SRD5A2: variants seen among roughly 807,000 people sequenced by gnomAD.
The protein encoded by SRD5A2 is steroid 5 alpha-reductase 2.
A neutral mutation model predicts 27.4 loss-of-function variants in SRD5A2; 30 were observed. The ratio of observed to expected loss-of-function variants is 1.10; its 90% confidence interval spans 0.82 to 1.49. The LOEUF (loss-of-function observed/expected upper bound fraction) is 1.49, where lower values mean the gene tolerates loss of function less well. Ranked by LOEUF, SRD5A2 falls within the 40% of genes most tolerant of loss-of-function variation. The pLI is 0.00. For synonymous variants in SRD5A2, 141 were observed against 133.6 expected, an observed-to-expected ratio of 1.06 and a Z score of -0.38; for missense variants, 348 against 323.4, an observed-to-expected ratio of 1.08 and a Z score of -0.58.
chr2:31,637,391 G>C, the SRD5A2 span, among the ~76,000 whole-genome samples: 1 of 151,968 alleles, frequency 6.6e-6, no homozygotes, highest in East Asian at 1.9e-4. Context: ...TTGTAGCAAA[G>C]AAGCCAGACA....
chr2:31,646,058 T>C, the SRD5A2 span, among the ~76,000 whole-genome samples: 1 of 152,132 alleles, frequency 6.6e-6, no homozygotes, highest in Non-Finnish European at 1.5e-5. Flanking sequence ...AAAATTGTAT[T>C]AATGATAATT....
chr2:31,611,699 T>C, the SRD5A2 span, among the ~76,000 whole-genome samples: 2 of 152,176 alleles, frequency 1.3e-5, no homozygotes, highest in Non-Finnish European at 2.9e-5. Flanking sequence ...AACCCTCATA[T>C]ATTGCTGGGT....
chr2:31,611,346 C>A, the SRD5A2 span, among the ~76,000 whole-genome samples: 1 of 152,204 alleles, frequency 6.6e-6, no homozygotes, highest in East Asian at 1.9e-4. Context: ...GTAGTAACTG[C>A]AGCACTGTCA....
intron 1 of SRD5A2, among the ~76,000 whole-genome samples, chr2:31,572,331 T>C (rs984690471): frequency 3.9e-5 from 6 of 152,062 alleles, no homozygotes; most frequent in Non-Finnish European, 5.9e-5. Context: ...AGGGTGATGA[T>C]TGAAAAAATA....
the SRD5A2 span, among the ~76,000 whole-genome samples, chr2:31,600,828 C>T: frequency 1.3e-5 from 2 of 151,772 alleles, no homozygotes; most frequent in Admixed American, 1.3e-4. Context: ...ACTAACAAGC[C>T]AAATTCAACA....
the SRD5A2 span, among the ~76,000 whole-genome samples, chr2:31,629,517 G>A: frequency 2.1e-4 from 32 of 152,268 alleles, no homozygotes; most frequent in African/African-American, 5.8e-4. Context: ...TAGCATAGCC[G>A]CCAGACTTAA....
At chr2:31,545,558 T>C (rs929118176) in intron 1 of SRD5A2, among the ~76,000 whole-genome samples, 15 of 152,108 alleles carry the variant, frequency 9.9e-5, no homozygotes, top group African/African-American at 3.1e-4. Context: ...AAACTGAGAA[T>C]GGAAGGCAAC....
intron 1 of SRD5A2, among the ~76,000 whole-genome samples, chr2:31,547,514 C>A (rs1309750368): frequency 6.6e-6 from 1 of 152,208 alleles, no homozygotes; most frequent in Non-Finnish European, 1.5e-5. Context: ...AATTCTTGAT[C>A]TGTCTTCTGG....
At chr2:31,555,939 T>TA (rs1186642306) in intron 1 of SRD5A2, among the ~76,000 whole-genome samples, 2 of 152,178 alleles carry the variant, frequency 1.3e-5, no homozygotes, top group East Asian at 1.9e-4. Flanking sequence ...ATCATATCTC[T>TA]AAAATGAAAA....
In SRD5A2 at chr2:31,523,682, G is replaced by A. The variant is rs1371029840; in HGVS notation, c.*2514C>T. ...AGAGTATCTTGTGAGCTAGGACACT[G>A]TTAGATTATTTTAGCCAAAAAACAG... On this transcript the variant is annotated 3_prime_UTR_variant, in exon 5 of 5. Transcript: ENST00000622030. 1 of 221,036 alleles carries A rather than the reference G, an allele frequency of 4.5e-6. No homozygotes were observed. Among genetic ancestry groups the A allele is most frequent in the Non-Finnish European group, 9.1e-6 (1 of 110,462 alleles). 13.7% of individuals were successfully genotyped at this position (221,036 alleles called of 1,614,324 possible). A position where few individuals can be genotyped will look rare whatever the true frequency, so the allele number is the denominator to read the frequency against.
At chr2:31,638,706 T>G in the SRD5A2 span, among the ~76,000 whole-genome samples, 1 of 152,064 alleles carries the variant, frequency 6.6e-6, no homozygotes, top group African/African-American at 2.4e-5. Context: ...AGTCTCTGAT[T>G]TGTAGTCTAT....
chr2:31,650,368 A>T, the SRD5A2 span, among the ~76,000 whole-genome samples: 8 of 152,286 alleles, frequency 5.3e-5, no homozygotes, highest in South Asian at 1.7e-3. Flanking sequence ...GGATCCTGGG[A>T]TGGGTCACTA....
chr2:31,599,658 A>T, the SRD5A2 span, among the ~76,000 whole-genome samples: 1 of 152,026 alleles, frequency 6.6e-6, no homozygotes, highest in South Asian at 2.1e-4. Context: ...TAGCAAAAGC[A>T]GTGTATTAAG....
intron 1 of SRD5A2, among the ~76,000 whole-genome samples, chr2:31,575,861 T>A (rs1419260878): frequency 6.6e-6 from 1 of 152,206 alleles, no homozygotes; most frequent in African/African-American, 2.4e-5. Flanking sequence ...GAAAAAGACA[T>A]CAGCCACCAC....
At chr2:31,544,539 T>C (rs897588714) in intron 1 of SRD5A2, among the ~76,000 whole-genome samples, 1 of 151,856 alleles carries the variant, frequency 6.6e-6, no homozygotes, top group African/African-American at 2.4e-5. Flanking sequence ...CTAAAACTTA[T>C]AGGATGCAGC....
intron 1 of SRD5A2, among the ~76,000 whole-genome samples, chr2:31,541,588 C>A (rs1302936842): frequency 6.6e-6 from 1 of 152,098 alleles, no homozygotes; most frequent in African/African-American, 2.4e-5. Context: ...ACTATCTACA[C>A]ACACAAAAAG....
the SRD5A2 span, among the ~76,000 whole-genome samples, chr2:31,598,682 T>TA: frequency 1.3e-5 from 2 of 149,480 alleles, no homozygotes; most frequent in African/African-American, 2.5e-5. Context: ...AAACAAAAAA[T>TA]AAAAAAACAA....
At chr2:31,619,602 G>GT in the SRD5A2 span, among the ~76,000 whole-genome samples, 453 of 151,642 alleles carry the variant, frequency 3.0e-3, 2 homozygotes, top group African/African-American at 8.7e-3. Flanking sequence ...ACCAGCATCT[G>GT]TTTTTTTTGT....
chr2:31,587,487 G>A, the SRD5A2 span, among the ~76,000 whole-genome samples: 3 of 152,112 alleles, frequency 2.0e-5, no homozygotes, highest in Non-Finnish European at 2.9e-5. Context: ...CAATAGCAAA[G>A]TCATGGAACC....
Sources: allele counts gnomAD v4.1 joint callset (sites outside exome capture counted in the v4.1 genomes callset), GRCh38; gene constraint gnomAD v4.1.1; transcripts MANE v1.5; gene names NCBI Gene and HGNC (gene_info 2026-07-23, HGNC 2026-07-21).